Variants in PITPNM3 observed in about 807,000 individuals in gnomAD.
PITPNM3 encodes the protein PITPNM family member 3, also known as membrane-associated phosphatidylinositol transfer protein 3.
Under a neutral mutation model 102.0 loss-of-function variants are expected in PITPNM3, and 26 were observed. The observed-to-expected ratio is 0.25, with a 90% confidence interval of 0.19 to 0.35. The LOEUF (loss-of-function observed/expected upper bound fraction) is 0.35, where lower values mean the gene tolerates loss of function less well. Ranked by LOEUF, PITPNM3 falls within the 10% of genes least tolerant of loss-of-function variation. The pLI, the probability that PITPNM3 is intolerant of heterozygous loss-of-function variation, is 1.00. For synonymous variants in PITPNM3, 578 were observed against 558.6 expected (o/e 1.03, Z -0.49); for missense variants, 1,083 against 1,346.1 (o/e 0.80, Z 3.06).
At chr17:6,536,115 A>C (rs938331526) in intron 2 of PITPNM3, among the ~76,000 whole-genome samples, 11 of 152,188 alleles carry the variant, frequency 7.2e-5, no homozygotes, top group African/African-American at 2.4e-4. Flanking sequence ...ATGAGAAAGA[A>C]AACACAGGGC....
intron 1 of PITPNM3, among the ~76,000 whole-genome samples, chr17:6,554,318 CAAAAA>C (rs35188321): frequency 1.3e-5 from 1 of 74,558 alleles, no homozygotes; most frequent in African/African-American, 5.4e-5. Flanking sequence ...GACTCCATCT[CAAAAA>C]AAAAAAAAAA....
intron 2 of PITPNM3, among the ~76,000 whole-genome samples, chr17:6,525,782 AAG>A (rs1908799073): frequency 3.9e-5 from 6 of 152,222 alleles, no homozygotes; most frequent in Admixed American, 3.3e-4. Context: ...TTTGGGAAGA[AAG>A]AGCAAAACCT....
At chr17:6,554,987 A>G (rs3826519) in intron 1 of PITPNM3, among the ~76,000 whole-genome samples, 79,625 of 152,090 alleles carry the variant, frequency 0.52, 21,504 homozygotes, top group Admixed American at 0.6. Context: ...ACACTCACAC[A>G]CACACAGGGT....
intron 5 of PITPNM3, 136 bp from the exon 6 acceptor site, chr17:6,483,888 G>A: frequency 2.4e-6 from 2 of 819,518 alleles, no homozygotes; most frequent in Non-Finnish European, 4.1e-6. Context: ...GGCCAGAGAA[G>A]CAGGCACTAT....
At chr17:6,534,473 G>C (rs974034713) in intron 2 of PITPNM3, among the ~76,000 whole-genome samples, 1 of 152,238 alleles carries the variant, frequency 6.6e-6, no homozygotes, top group Admixed American at 6.5e-5. Flanking sequence ...CCAGGCCAAA[G>C]GGTTGGGGCT....
intron 1 of PITPNM3, among the ~76,000 whole-genome samples, chr17:6,544,647 C>G (rs1439715719): frequency 8.2e-6 from 1 of 122,442 alleles, no homozygotes; most frequent in Non-Finnish European, 1.6e-5. Flanking sequence ...CTCTCTCTCT[C>G]TCTCTCTCAC....
chr17:6,457,468 GAATA>G lies in PITPNM3; in HGVS notation c.2619+122_2619+125del, dbSNP rs768050504. The G allele has an allele frequency of 5.1e-5, 76 of 1,481,714 alleles. No individual in the cohort carries two copies. The Middle Eastern group carries it at 5.2e-4, about 10-fold the overall frequency. The allele number at this position is 1,481,714 out of a possible 1,614,324, so 91.8% of individuals were successfully genotyped here. On this transcript the variant is annotated intron_variant, in intron 19 of 19. Transcript: ENST00000262483. The surrounding 1 kb of genome is among the most constrained non-coding windows in gnomAD (Gnocchi z 4.7). ...AGGCAGGCACCCCGAAGTGTTTGTT[GAATA>G]AATGAATGAGCAAATGGGGGAATGA...
At chr17:6,461,286 C>G in intron 18 of PITPNM3, 87 bp downstream of exon 18, 3 of 1,494,374 alleles carry the variant, frequency 2.0e-6, no homozygotes, top group Non-Finnish European at 2.8e-6. Flanking sequence ...TCACAAGGCC[C>G]CACCCGGGAG....
At chr17:6,534,142 C>T (rs1242581738) in intron 2 of PITPNM3, among the ~76,000 whole-genome samples, 2 of 152,190 alleles carry the variant, frequency 1.3e-5, no homozygotes, top group African/African-American at 2.4e-5. Flanking sequence ...CTTCCAACCT[C>T]GGCACTGCTG....
In PITPNM3 at chr17:6,524,520, C is replaced by A. The variant is rs550250439; in HGVS notation, c.226+836G>T. Among the ~76,000 whole-genome samples, 5 of 152,264 alleles carry A rather than the reference C, an allele frequency of 3.3e-5. No homozygotes were observed. In the East Asian group the frequency reaches 9.6e-4, roughly 29 times the overall value. ...TTCCCATATGTGAGCTCAGATTTTA[C>A]GACATCTTCAGCCACGTTGTCCGTT... On this transcript the variant is annotated intron_variant, in intron 3 of 19. Coordinates refer to ENST00000262483, the MANE Select transcript of PITPNM3 (RefSeq NM_031220.4).
chr17:6,466,009 C>T (rs768698393), intron 14 of PITPNM3, among the ~76,000 whole-genome samples: 22 of 152,230 alleles, frequency 1.4e-4, no homozygotes, highest in Non-Finnish European at 2.5e-4. Context: ...CCCCACTGCC[C>T]TCTGCGTAGA....
At position 6,519,363 on chromosome 17, in the gene PITPNM3, A is replaced by C. The variant is rs796245916; in HGVS notation, c.226+5993T>G. Among the ~76,000 whole-genome samples the C allele has an allele frequency of 5.6e-3, 774 of 137,568 alleles. 46 individuals carry two copies. Among genetic ancestry groups the C allele is most frequent in the African/African-American group, 0.022 (719 of 33,074 alleles). 90.2% of individuals were successfully genotyped at this position (137,568 alleles called of 152,430 possible). A position where few individuals can be genotyped will look rare whatever the true frequency, so the allele number is the denominator to read the frequency against. On this transcript the variant is annotated intron_variant, in intron 3 of 19. Transcript: ENST00000262483. ...CGTCTCAAAAAAAAAAAAAAAAAAAAAAAAAAATTAGCTGAGCGTGGTGGC... is the reference window on the plus strand; with the variant it reads ...CGTCTCAAAAAAAAAAAAAAAAAAACAAAAAAATTAGCTGAGCGTGGTGGC...
rs961764718 is a variant in PITPNM3 at position 6,556,498 on chromosome 17, G to A, written c.-92C>T. 6.7e-6 allele frequency: 6 copies of A among 893,472 alleles called. No individual in the cohort carries two copies. Among genetic ancestry groups the A allele is most frequent in the Non-Finnish European group, 5.4e-6 (4 of 741,256 alleles). The allele number at this position is 893,472 out of a possible 1,614,324, so 55.3% of individuals were successfully genotyped here. A position where few individuals can be genotyped will look rare whatever the true frequency, so the allele number is the denominator to read the frequency against. ...GCCTCCGGCCCCGAACGGACTCCGA[G>A]CGCCGCGCCCGCGCCCCCGCCCCGC... is the stretch of plus-strand genomic sequence containing the variant. On this transcript the variant is annotated 5_prime_UTR_variant, in exon 1 of 20. Transcript: ENST00000262483. The surrounding 1 kb of genome is among the most constrained non-coding windows in gnomAD (Gnocchi z 5.2).
rs920713343 is a variant in PITPNM3 at position 6,470,113 on chromosome 17, G to A, written c.1773+147C>T. On this transcript the variant is annotated intron_variant, in intron 13 of 19. Transcript: ENST00000262483. This position sits in a 1 kb window ranked among gnomAD's most constrained non-coding sequence, Gnocchi z 4.8. The stretch of plus-strand genomic sequence containing the variant: ...TCTGGTCATGTCACTCCCCACTCAC[G>A]TAGGTGCTCCAATGCCTTCCTCATG... The A allele has an allele frequency of 7.5e-6, 7 of 929,066 alleles. No individual in the cohort carries two copies. The highest frequency in any genetic ancestry group is 6.4e-4 in the Middle Eastern group (2 of 3,132). 57.6% of individuals were successfully genotyped at this position (929,066 alleles called of 1,614,324 possible). A position where few individuals can be genotyped will look rare whatever the true frequency, so the allele number is the denominator to read the frequency against.
chr17:6,498,295 T>C (rs936874730), intron 4 of PITPNM3, among the ~76,000 whole-genome samples: 8 of 152,220 alleles, frequency 5.3e-5, no homozygotes, highest in Admixed American at 4.6e-4. Flanking sequence ...GGCTTCCCAA[T>C]TAGCCCACAA....
rs144743418 is a variant in PITPNM3 at position 6,466,160 on chromosome 17, C to T, written c.1891-1389G>A. Among the ~76,000 whole-genome samples, 72 of 152,334 alleles carry T rather than the reference C, an allele frequency of 4.7e-4. No individual in the cohort carries two copies. The East Asian group carries it at 0.012, about 24-fold the overall frequency. ...CAGGCCTTTGCTCACACCGCTGTCC[C>T]GCCCCCCACACTGGCTCTAGGTGCC... On this transcript the variant is annotated intron_variant, in intron 14 of 19. Coordinates refer to ENST00000262483, the MANE Select transcript of PITPNM3 (RefSeq NM_031220.4).
At chr17:6,481,985 CCTCTCTCTCTCTCT>C (rs773528111) in intron 6 of PITPNM3, among the ~76,000 whole-genome samples, 1,388 of 56,148 alleles carry the variant, frequency 0.025, 42 homozygotes, top group African/African-American at 0.077. Flanking sequence ...GAAAACAGAA[CCTCTCTCTCTCTCT>C]CTCTCTCTCT....
At chr17:6,538,997 C>T (rs1280192400) in intron 1 of PITPNM3, among the ~76,000 whole-genome samples, 5 of 151,374 alleles carry the variant, frequency 3.3e-5, no homozygotes, top group Admixed American at 6.6e-5. Context: ...TGAAGGGAGA[C>T]GGTCAGCCCA....
chr17:6,540,706 T>C (rs1293537324), intron 1 of PITPNM3, among the ~76,000 whole-genome samples: 1 of 152,250 alleles, frequency 6.6e-6, no homozygotes, highest in Non-Finnish European at 1.5e-5. Flanking sequence ...TCGCCCAGGC[T>C]GGAGTGCAAT....
Sources: allele counts gnomAD v4.1 joint callset (sites outside exome capture counted in the v4.1 genomes callset), GRCh38; gene constraint gnomAD v4.1.1; non-coding constraint Gnocchi (gnomAD v3.1); transcripts MANE v1.5; gene names NCBI Gene and HGNC (gene_info 2026-07-23, HGNC 2026-07-21).